Variants in ACACB observed in about 807,000 individuals in gnomAD.
ACACB encodes acetyl-CoA carboxylase 2.
In ACACB, 209 loss-of-function variants were observed where a neutral mutation model predicts 278.8. The ratio of observed to expected loss-of-function variants is 0.75; its 90% CI spans 0.67 to 0.84. The LOEUF (loss-of-function observed/expected upper bound fraction) is 0.84, where lower values mean the gene tolerates loss of function less well. Among genes scored for constraint, ACACB ranks in the 40% least tolerant of loss-of-function variants. The pLI is 0.00. For missense variants in ACACB, 2,850 were observed against 3,269.0 expected (o/e 0.87, Z 3.13); for synonymous variants, 1,174 against 1,285.6 (o/e 0.91, Z 1.86).
chr12:109,209,236 G>A lies in ACACB; in HGVS notation c.3132G>A (p.Glu1044=). 6.2e-7 allele frequency: 1 copy of A among 1,611,360 alleles called. No homozygotes were observed. Among genetic ancestry groups the A allele is most frequent in the Non-Finnish European group, 8.5e-7 (1 of 1,179,492 alleles). ...HPSLPLLELQ[E]IMTSVAGRIP... is the part of the protein sequence containing the mutation. ...CACTGCCGCTGCTGGAGCTGCAGGA[G>A]ATCATGACCAGCGTGGCAGGCCGCA... Residue 1044 remains glutamate, a synonymous_variant, in exon 21 of 53, where the codon GAG becomes GAA. Coordinates refer to ENST00000338432, the MANE Select transcript of ACACB (RefSeq NM_001093.4).
chr12:109,208,455 G>A (rs542126943), intron 20 of ACACB, among the ~76,000 whole-genome samples: 6 of 151,954 alleles, frequency 3.9e-5, no homozygotes, highest in East Asian at 1.9e-4. Context: ...TGATCCTCCC[G>A]CCTTGGCCTC....
chr12:109,178,475 A>G (rs772591259), intron 9 of ACACB, among the ~76,000 whole-genome samples: 2 of 152,202 alleles, frequency 1.3e-5, no homozygotes, highest in Admixed American at 6.5e-5. Flanking sequence ...TGCTATATGC[A>G]TAGAAGAAAG....
At chr12:109,259,578 AAAAAC>A (rs1207759452) in intron 47 of ACACB, among the ~76,000 whole-genome samples, 2 of 133,440 alleles carry the variant, frequency 1.5e-5, no homozygotes, top group African/African-American at 5.6e-5. Flanking sequence ...AAAAAAACAA[AAAAAC>A]AAAAAAAAAA....
chr12:109,183,109 C>A (rs1433174535), intron 11 of ACACB, among the ~76,000 whole-genome samples: 1 of 152,166 alleles, frequency 6.6e-6, no homozygotes, highest in East Asian at 1.9e-4. Flanking sequence ...GGATTTGTTT[C>A]TGGATTCTCT....
intron 2 of ACACB, among the ~76,000 whole-genome samples, chr12:109,162,231 C>T (rs552282648): frequency 2.0e-5 from 3 of 151,968 alleles, no homozygotes; most frequent in East Asian, 1.9e-4. Context: ...TGCCCATCTT[C>T]GCCTCCCAAA....
At chr12:109,242,371 C>G in intron 36 of ACACB, 66 bp from the exon 37 acceptor site, 9 of 1,543,530 alleles carry the variant, frequency 5.8e-6, no homozygotes, top group Non-Finnish European at 8.0e-6. Flanking sequence ...GAGGACTGGG[C>G]AGAAATAAAT....
Position 109,264,296 on chromosome 12 carries a change from C to T in ACACB, c.6852C>T (p.Asp2284=), listed in dbSNP as rs2047455930. ...AGGGCCGGCTAAAGGCTCGCGAGGA[C>T]CTGCTGCTCCCCATCTACCACCAGG... ...DLEGRLKARE[D]LLLPIYHQVA... is the part of the protein sequence containing the mutation. The change falls in exon 50 of 53, where the codon GAC becomes GAT. Residue 2284 remains aspartate (D), a synonymous_variant. Transcript: ENST00000338432. 3.7e-6 allele frequency: 6 copies of T among 1,614,154 alleles called. No homozygotes were observed. Among genetic ancestry groups the T allele is most frequent in the African/African-American group, 1.3e-5 (1 of 75,024 alleles).
At chr12:109,121,321 A>G (rs2042543788) in intron 1 of ACACB, among the ~76,000 whole-genome samples, 1 of 152,234 alleles carries the variant, frequency 6.6e-6, no homozygotes, top group Non-Finnish European at 1.5e-5. Context: ...GAGTTACAAA[A>G]GAACCCTATT....
At chr12:109,210,923 A>G (rs900779695) in intron 21 of ACACB, among the ~76,000 whole-genome samples, 4 of 151,990 alleles carry the variant, frequency 2.6e-5, no homozygotes, top group Non-Finnish European at 5.9e-5. Flanking sequence ...TCTTATCATA[A>G]TCATAGTTGC....
At chr12:109,256,083 C>T (rs1304235363) in intron 44 of ACACB, 57 bp from the exon 45 acceptor site, 1 of 1,487,180 alleles carries the variant, frequency 6.7e-7, no homozygotes, top group African/African-American at 1.4e-5. Flanking sequence ...CAGGAGTGTC[C>T]TGGGGGCCCC....
chr12:109,120,558 CATGTGTGTGTGT>C (rs1014987298), intron 1 of ACACB, among the ~76,000 whole-genome samples: 1 of 151,868 alleles, frequency 6.6e-6, no homozygotes, highest in African/African-American at 2.4e-5. Flanking sequence ...TGTATGCATG[CATGTGTGTGTGT>C]ATGTGTGTGT....
intron 24 of ACACB, among the ~76,000 whole-genome samples, chr12:109,221,897 G>GCGT (rs2046174279): frequency 6.7e-6 from 1 of 149,236 alleles, no homozygotes; most frequent in South Asian, 2.1e-4. Context: ...TTTTTTTTGG[G>GCGT]GGGGAGACAG....
chr12:109,258,838 C>G, intron 46 of ACACB, 135 bp from the exon 47 acceptor site: 1 of 1,183,000 alleles, frequency 8.5e-7, no homozygotes. Context: ...TTCCATCCTT[C>G]TGAGCCCTGG....
intron 7 of ACACB, among the ~76,000 whole-genome samples, chr12:109,175,710 C>T (rs988227319): frequency 2.0e-5 from 3 of 152,160 alleles, no homozygotes; most frequent in Admixed American, 6.5e-5. Context: ...TGAGCCACCA[C>T]GCCTGGCAGT....
At chr12:109,128,311 G>A (rs192284373) in intron 1 of ACACB, among the ~76,000 whole-genome samples, 5 of 151,880 alleles carry the variant, frequency 3.3e-5, no homozygotes, top group Non-Finnish European at 5.9e-5. Context: ...ACCACACCTG[G>A]CTAATTTTTT....
chr12:109,220,947 G>A (rs1318226334), intron 24 of ACACB, among the ~76,000 whole-genome samples: 3 of 152,104 alleles, frequency 2.0e-5, no homozygotes, highest in Non-Finnish European at 4.4e-5. Context: ...TGTGTGGGGG[G>A]AAATTTAAAA....
chr12:109,238,342 ATTTTTTT>A (rs750967305), intron 34 of ACACB, among the ~76,000 whole-genome samples: 2 of 133,738 alleles, frequency 1.5e-5, no homozygotes, highest in African/African-American at 5.5e-5. Flanking sequence ...ACCGTGTATA[ATTTTTTT>A]TTTTTTTTTA....
intron 35 of ACACB, among the ~76,000 whole-genome samples, chr12:109,240,770 G>A (rs918986194): frequency 6.6e-6 from 1 of 151,980 alleles, no homozygotes; most frequent in Non-Finnish European, 1.5e-5. Flanking sequence ...TGAGTCAAAG[G>A]CATGTAAAGA....
At position 109,166,878 on chromosome 12, in the gene ACACB, T is replaced by G. The variant is rs527512063; in HGVS notation, c.671T>G (p.Leu224Arg). 1.9e-6 allele frequency: 3 copies of G among 1,613,862 alleles called. No homozygotes were observed. The highest frequency in any genetic ancestry group is 2.5e-6 in the Non-Finnish European group (3 of 1,180,026). ...VPTMRPSMSG[L>R]HLVKRGREHK... ...TTCTGCAGGCCGAGCATGTCGGGAC[T>G]CCACCTGGTGAAGAGGGGACGGGAA... Residue 224 changes from leucine (L) to arginine (R), a missense_variant, in exon 3 of 53, where the codon CTC becomes CGC. Around this residue, in one of 3 missense-constraint regions of ACACB, gnomAD observed 2,265 missense variants for 2,561.3 expected, o/e 0.88. Coordinates refer to ENST00000338432, the MANE Select transcript of ACACB (RefSeq NM_001093.4).
Sources: allele counts gnomAD v4.1 joint callset (sites outside exome capture counted in the v4.1 genomes callset), GRCh38; gene constraint gnomAD v4.1.1; regional missense constraint gnomAD v4.1.1; transcripts MANE v1.5; gene names NCBI Gene and HGNC (gene_info 2026-07-23, HGNC 2026-07-21).